Variants in CENPW observed in about 807,000 individuals in gnomAD.
CENPW encodes cancer-up-regulated gene 2 protein.
CENPW carries 3 observed loss-of-function variants against 11.1 expected under a neutral mutation model. The ratio of observed to expected loss-of-function variants is 0.27; its 90% CI spans 0.12 to 0.70. The LOEUF (loss-of-function observed/expected upper bound fraction) is 0.70. Ranked by LOEUF, CENPW falls within the 30% of genes least tolerant of loss-of-function variation. CENPW has a pLI of 0.77. For missense variants in CENPW, 100 were observed against 105.6 expected, an observed-to-expected ratio of 0.95 and a Z score of 0.23; for synonymous variants, 38 against 42.0, an observed-to-expected ratio of 0.91 and a Z score of 0.37.
the CENPW span, among the ~76,000 whole-genome samples, chr6:126,428,584 G>A: frequency 6.6e-6 from 1 of 152,104 alleles, no homozygotes; most frequent in South Asian, 2.1e-4. Context: ...GGGAACACCC[G>A]CTTTGCTCAT....
chr6:126,340,382 A>G lies in CENPW; in HGVS notation c.109A>G (p.Lys37Glu). ...AAAGAAGCCTCAACTTCGTCTGGAG[A>G]AAAGTGGTGACTTATTGGTGAGATT... ...KRKKPQLRLE[K>E]SGDLLVHLNC... is the part of the protein sequence containing the mutation. Residue 37 changes from lysine (K) to glutamate (E), a missense_variant, in exon 1 of 3, where the codon AAA (lysine) becomes GAA (glutamate). Coordinates refer to ENST00000368328, the MANE Select transcript of CENPW (RefSeq NM_001012507.4). 2 of 1,614,162 alleles carry G rather than the reference A, an allele frequency of 1.2e-6. No homozygotes were observed. Among genetic ancestry groups the G allele is most frequent in the Non-Finnish European group, 1.7e-6 (2 of 1,180,018 alleles).
chr6:126,408,428 T>C, the CENPW span, among the ~76,000 whole-genome samples: 6 of 152,196 alleles, frequency 3.9e-5, no homozygotes, highest in African/African-American at 1.4e-4. Context: ...GTGAGACTTA[T>C]TCACTATCAC....
the CENPW span, among the ~76,000 whole-genome samples, chr6:126,356,464 G>T: frequency 7.9e-5 from 12 of 152,092 alleles, no homozygotes; most frequent in Admixed American, 3.3e-4. Context: ...AAATTTTTGA[G>T]ACATTTAATC....
At chr6:126,352,875 T>C (rs1317737023), downstream of CENPW, among the ~76,000 whole-genome samples, 2 of 152,118 alleles carry the variant, frequency 1.3e-5, no homozygotes, top group African/African-American at 4.8e-5. Flanking sequence ...GAATTAACTT[T>C]TATGATTCAT....
the CENPW span, among the ~76,000 whole-genome samples, chr6:126,408,790 A>G: frequency 3.9e-5 from 6 of 152,076 alleles, no homozygotes; most frequent in African/African-American, 7.2e-5. Context: ...CATCTCTAAT[A>G]ATCCTTTGTA....
chr6:126,432,094 G>A, the CENPW span, among the ~76,000 whole-genome samples: 2 of 148,158 alleles, frequency 1.3e-5, no homozygotes, highest in African/African-American at 5.0e-5. Context: ...AAAAAAAAGA[G>A]GGTATTTTTC....
the CENPW span, among the ~76,000 whole-genome samples, chr6:126,473,926 T>C: frequency 6.7e-6 from 1 of 148,180 alleles, no homozygotes; most frequent in South Asian, 2.1e-4. Context: ...AGCATAGATA[T>C]AGAATATATA....
At chr6:126,340,936 C>G (rs1005441167) in intron 1 of CENPW, among the ~76,000 whole-genome samples, 1 of 152,092 alleles carries the variant, frequency 6.6e-6, no homozygotes, top group South Asian at 2.1e-4. Flanking sequence ...CTTATTTCCT[C>G]TAGGTGAGGG....
At chr6:126,394,952 A>G in the CENPW span, among the ~76,000 whole-genome samples, 3 of 151,682 alleles carry the variant, frequency 2.0e-5, no homozygotes, top group Non-Finnish European at 2.9e-5. Context: ...ATTGTATGTT[A>G]TTTGCTTCTT....
chr6:126,461,530 A>G, the CENPW span, among the ~76,000 whole-genome samples: 1 of 152,044 alleles, frequency 6.6e-6, no homozygotes. Context: ...TTGAATCTTG[A>G]ACCTAACACC....
the CENPW span, among the ~76,000 whole-genome samples, chr6:126,364,249 C>T: frequency 3.3e-5 from 5 of 152,128 alleles, no homozygotes; most frequent in Non-Finnish European, 5.9e-5. Flanking sequence ...GTGATAGAAA[C>T]GACTTAAAAC....
At chr6:126,452,197 G>C in the CENPW span, among the ~76,000 whole-genome samples, 1 of 151,156 alleles carries the variant, frequency 6.6e-6, no homozygotes, top group South Asian at 2.1e-4. Context: ...CTATCTCATA[G>C]TGTATTATTC....
chr6:126,421,654 T>C, the CENPW span, among the ~76,000 whole-genome samples: 1 of 152,070 alleles, frequency 6.6e-6, no homozygotes, highest in Non-Finnish European at 1.5e-5. Flanking sequence ...ACTTCCATTT[T>C]TTCCCCTAGT....
the CENPW span, among the ~76,000 whole-genome samples, chr6:126,399,851 T>A: frequency 3.9e-4 from 60 of 152,246 alleles, no homozygotes; most frequent in Non-Finnish European, 6.6e-4. Context: ...TTTACTCTTT[T>A]CTGATTTTTA....
chr6:126,415,008 C>T, the CENPW span, among the ~76,000 whole-genome samples: 4 of 151,936 alleles, frequency 2.6e-5, no homozygotes, highest in East Asian at 7.7e-4. Flanking sequence ...GAAAAAAATC[C>T]CTGGATATAT....
At chr6:126,445,248 A>G in the CENPW span, among the ~76,000 whole-genome samples, 1 of 151,136 alleles carries the variant, frequency 6.6e-6, no homozygotes, top group Non-Finnish European at 1.5e-5. Context: ...AGGGGCTGAT[A>G]CCATGTGGGT....
At chr6:126,401,621 G>C in the CENPW span, among the ~76,000 whole-genome samples, 5 of 151,790 alleles carry the variant, frequency 3.3e-5, no homozygotes, top group Non-Finnish European at 5.9e-5. Context: ...TGTGCCTTGA[G>C]GGTTGTTGCC....
chr6:126,404,034 C>T, the CENPW span, among the ~76,000 whole-genome samples: 5 of 152,048 alleles, frequency 3.3e-5, no homozygotes, highest in African/African-American at 1.2e-4. Context: ...GCTACATCTA[C>T]TCTGTCTGTG....
the CENPW span, among the ~76,000 whole-genome samples, chr6:126,405,812 A>G: frequency 6.6e-6 from 1 of 152,080 alleles, no homozygotes; most frequent in Non-Finnish European, 1.5e-5. Context: ...TTGTGTATAG[A>G]AATGCTACTG....
Sources: allele counts gnomAD v4.1 joint callset (sites outside exome capture counted in the v4.1 genomes callset), GRCh38; gene constraint gnomAD v4.1.1; transcripts MANE v1.5; gene names NCBI Gene and HGNC (gene_info 2026-07-23, HGNC 2026-07-21).